The following SLC66A2 variants were observed in gnomAD, a reference collection of about 807,000 sequenced individuals.
SLC66A2 encodes PQ loop repeat containing 1.
Under a neutral mutation model 25.5 loss-of-function variants are expected in SLC66A2, and 23 were observed. The ratio of observed to expected loss-of-function variants is 0.90; its 90% confidence interval spans 0.65 to 1.28. The LOEUF is 1.28. SLC66A2 is among the 50% of genes most tolerant of loss of function. SLC66A2 has a pLI of 0.00. For missense variants in SLC66A2, 396 were observed against 373.1 expected (o/e 1.06, Z -0.51); for synonymous variants, 193 against 166.5 (o/e 1.16, Z -1.23).
rs553521124 is a variant in SLC66A2, at chr18:79,917,708, C to T, written c.608+1476G>A. Among the ~76,000 whole-genome samples, 29 of 152,148 alleles carry T rather than the reference C, an allele frequency of 1.9e-4. No individual in the cohort carries two copies. The highest frequency in any genetic ancestry group is 2.8e-4 in the Non-Finnish European group (19 of 67,962). On this transcript the variant is annotated intron_variant, in intron 5 of 5. Transcript: ENST00000397778. This position sits in a 1 kb window ranked among gnomAD's most constrained non-coding sequence, Gnocchi z 6.0. ...ACTGCCCAACCCAACAGTGAGGGAG[C>T]CTGTTCCAGCCATGGACACCCTCTC...
In SLC66A2 at chr18:79,940,720, C is replaced by T. The variant is rs957154080; in HGVS notation, c.337+2609G>A. The stretch of plus-strand genomic sequence containing the variant: ...CATGAGCCCACACCTTTCATCAAGA[C>T]GCCCTGCAGGAACAGGCCTGGCCCA... On this transcript the variant is annotated intron_variant, in intron 3 of 5. Coordinates refer to ENST00000397778, the MANE Select transcript of SLC66A2 (RefSeq NM_025078.5). This position sits in a 1 kb window ranked among gnomAD's most constrained non-coding sequence, Gnocchi z 4.1. Among the ~76,000 whole-genome samples the T allele has an allele frequency of 4.6e-5, 7 of 152,166 alleles. No homozygotes were observed. Among genetic ancestry groups the T allele is most frequent in the African/African-American group, 1.4e-4 (6 of 41,428 alleles).
chr18:79,950,854 T>TGGCCGC lies in SLC66A2; in HGVS notation c.67_72dup (p.Ala23_Ala24dup). The TGGCCGC allele has an allele frequency of 6.8e-6, 11 of 1,610,434 alleles. No homozygotes were observed. Among genetic ancestry groups the TGGCCGC allele is most frequent in the Non-Finnish European group, 9.3e-6 (11 of 1,178,980 alleles). ...TAGGGCACCACCCCTCCGAAGACCA[T>TGGCCGC]GGCCGCGGCCGCGCCCCAGGACACC... is the stretch of plus-strand genomic sequence containing the variant. On this transcript the variant is annotated inframe_insertion, in exon 2 of 6. Coordinates refer to ENST00000397778, the MANE Select transcript of SLC66A2 (RefSeq NM_025078.5).
chr18:79,919,392 G>T lies in SLC66A2; in HGVS notation c.400C>A (p.Pro134Thr), dbSNP rs575102840. 14 of 1,613,070 alleles carry T rather than the reference G, an allele frequency of 8.7e-6. No homozygotes were observed. The African/African-American group carries it at 1.2e-4, about 14-fold the overall frequency. Reference protein sequence around the residue: ...APRRSFLDFDPHHFWQWSSFS... With the variant: ...APRRSFLDFDTHHFWQWSSFS... ...CTGCTCCACTGCCAGAAGTGGTGGG[G>T]GTCGAAGTCTAGGGCGAGAGGGAGA... is the stretch of plus-strand genomic sequence containing the variant. Residue 134 changes from proline (P) to threonine (T), a missense_variant, in exon 5 of 6, where the codon CCC becomes ACC. Physicochemically the swap from Pro to Thr is conservative, Grantham distance 38. Transcript: ENST00000397778.
chr18:79,947,502 C>T (rs567610767), intron 2 of SLC66A2, among the ~76,000 whole-genome samples: 1 of 152,382 alleles, frequency 6.6e-6, no homozygotes, highest in South Asian at 2.1e-4. Context: ...CATGCCCCAA[C>T]AGCTTTGGAG....
At chr18:79,943,285 G>T (rs377562226) in intron 3 of SLC66A2, 44 bp downstream of exon 3, 1 of 1,600,060 alleles carries the variant, frequency 6.2e-7, no homozygotes, top group Non-Finnish European at 8.5e-7. Context: ...AGTCACCTAC[G>T]CCCTGATTCC....
chr18:79,912,933 AG>A (rs35875409), intron 5 of SLC66A2, among the ~76,000 whole-genome samples: 11 of 152,242 alleles, frequency 7.2e-5, no homozygotes, highest in East Asian at 1.9e-4. Flanking sequence ...ACAGTGGGTG[AG>A]GGGGGGTTCT....
rs1339546518 is a variant in SLC66A2, at chr18:79,918,912, A to G, written c.608+272T>C. 6.6e-6 allele frequency among the ~76,000 whole-genome samples: 1 copy of G among 152,042 alleles called. No individual in the cohort carries two copies. The highest frequency in any genetic ancestry group is 1.5e-5 in the Non-Finnish European group (1 of 67,994). Reference sequence around the variant, plus strand: ...GGCCAGGCACTCGGACATCCCTCCCACTGGAAGGTTCCGTCTCAACGGCCC... The same window carrying G: ...GGCCAGGCACTCGGACATCCCTCCCGCTGGAAGGTTCCGTCTCAACGGCCC... On this transcript the variant is annotated intron_variant, in intron 5 of 5. Coordinates refer to ENST00000397778, the MANE Select transcript of SLC66A2 (RefSeq NM_025078.5). The surrounding 1 kb of genome is among the most constrained non-coding windows in gnomAD (Gnocchi z 4.0).
rs560523792 is a variant in SLC66A2, at chr18:79,941,265, C to G, written c.337+2064G>C. Among the ~76,000 whole-genome samples, 8 of 152,312 alleles carry G rather than the reference C, an allele frequency of 5.3e-5. No individual in the cohort carries two copies. The highest frequency in any genetic ancestry group is 8.8e-5 in the Non-Finnish European group (6 of 68,028). On this transcript the variant is annotated intron_variant, in intron 3 of 5. Transcript: ENST00000397778. The surrounding 1 kb of genome is among the most constrained non-coding windows in gnomAD (Gnocchi z 4.1). ...GACCCATGGCAGAGAGCCAGGCCCT[C>G]AGCTCCAGCACCTGACCATCTCCTC...
chr18:79,925,476 G>A (rs188080000), intron 4 of SLC66A2, among the ~76,000 whole-genome samples: 105 of 152,332 alleles, frequency 6.9e-4, no homozygotes, highest in Admixed American at 3.5e-3. Context: ...AATGCTAAAC[G>A]AATGTTTCCA....
intron 2 of SLC66A2, among the ~76,000 whole-genome samples, chr18:79,948,169 G>A (rs781315692): frequency 1.4e-4 from 22 of 152,200 alleles, no homozygotes; most frequent in Non-Finnish European, 2.6e-4. Context: ...CTGGAAGGCT[G>A]CCCTGTGCTC....
At chr18:79,923,383 T>C (rs1372435125) in intron 4 of SLC66A2, among the ~76,000 whole-genome samples, 2 of 151,950 alleles carry the variant, frequency 1.3e-5, no homozygotes, top group Non-Finnish European at 2.9e-5. Context: ...ATGGGCAGGC[T>C]GTGCACGGTG....
chr18:79,919,048 A>G (rs1984643347), intron 5 of SLC66A2, 136 bp downstream of exon 5: 4 of 808,154 alleles, frequency 4.9e-6, no homozygotes, highest in Admixed American at 4.6e-5. Flanking sequence ...TAAACCTGCT[A>G]TTCTTTAACC....
At chr18:79,905,492 G>A (rs781120431) in intron 5 of SLC66A2, among the ~76,000 whole-genome samples, 68 of 152,352 alleles carry the variant, frequency 4.5e-4, no homozygotes, top group African/African-American at 1.5e-3. Context: ...AGGCAGGGCT[G>A]CACAGCTGAC....
intron 5 of SLC66A2, among the ~76,000 whole-genome samples, chr18:79,912,657 C>T (rs1163807026): frequency 6.6e-6 from 1 of 152,020 alleles, no homozygotes; most frequent in Non-Finnish European, 1.5e-5. Flanking sequence ...TGCCAGTGGC[C>T]GCGGGGTTGC....
intron 5 of SLC66A2, among the ~76,000 whole-genome samples, chr18:79,916,819 A>T (rs954856141): frequency 6.6e-6 from 1 of 152,222 alleles, no homozygotes; most frequent in African/African-American, 2.4e-5. Context: ...TGTTTCCCAG[A>T]GCTCTGTGAG....
chr18:79,943,717 C>A, intron 2 of SLC66A2: 1 of 423,522 alleles, frequency 2.4e-6, no homozygotes, highest in South Asian at 3.3e-5. Context: ...AAACCTGCAG[C>A]AGGAAAGATC....
At position 79,951,006 on chromosome 18, in the gene SLC66A2, C is replaced by G. The variant is rs1216118144; in HGVS notation, c.-80G>C. ...GCCGCCTGCTCATCGCCGCTCCGCGCGCTCCTGCGGCCTCGGGGCCTGCGG... is the reference window on the plus strand; with the variant it reads ...GCCGCCTGCTCATCGCCGCTCCGCGGGCTCCTGCGGCCTCGGGGCCTGCGG... On this transcript the variant is annotated 5_prime_UTR_variant, in exon 2 of 6. Transcript: ENST00000397778. The G allele has an allele frequency of 2.9e-5, 34 of 1,164,668 alleles. No individual in the cohort carries two copies. Among genetic ancestry groups the G allele is most frequent in the Non-Finnish European group, 3.8e-5 (34 of 885,414 alleles). The allele number at this position is 1,164,668 out of a possible 1,614,324, so 72.1% of individuals were successfully genotyped here. A position where few individuals can be genotyped will look rare whatever the true frequency, so the allele number is the denominator to read the frequency against.
rs564044470 is a variant in SLC66A2 at position 79,951,612 on chromosome 18, C to G, written c.-131G>C. On this transcript the variant is annotated 5_prime_UTR_variant, in exon 1 of 6. Coordinates refer to ENST00000397778, the MANE Select transcript of SLC66A2 (RefSeq NM_025078.5). ...CCCCAGCCCCGCGCCCAGCGCCCCG[C>G]GTCCCCGCGCCGCTGACCCGCGCGC... 3.3e-5 allele frequency: 5 copies of G among 151,690 alleles called. No individual in the cohort carries two copies. Among genetic ancestry groups the G allele is most frequent in the African/African-American group, 1.2e-4 (5 of 41,414 alleles). The allele number at this position is 151,690 out of a possible 1,614,324, so 9.4% of individuals were successfully genotyped here. A position where few individuals can be genotyped will look rare whatever the true frequency, so the allele number is the denominator to read the frequency against.
In SLC66A2 at chr18:79,950,806, G is replaced by C. The variant is rs746325682; in HGVS notation, c.121C>G (p.Arg41Gly). The C allele has an allele frequency of 7.4e-6, 12 of 1,613,094 alleles. No homozygotes were observed. Among genetic ancestry groups the C allele is most frequent in the Non-Finnish European group, 1.0e-5 (12 of 1,179,972 alleles). Residue 41 changes from arginine (R) to glycine (G), a missense_variant, in exon 2 of 6, where the codon CGC becomes GGC. By Grantham distance (125) the Arg-to-Gly change is moderately radical (BLOSUM62 -2). Transcript: ENST00000397778. ...AAGCCGTCGGCGTTCTGCGTCCTGC[G>C]AATGTCCCGATACTGCGGGACGTAG... ...VPYVPQYRDIRRTQNADGFST... is the reference protein window; with the variant it reads ...VPYVPQYRDIGRTQNADGFST...
Sources: gnomAD v4.1 joint callset for allele counts (sites outside exome capture counted in the v4.1 genomes callset) on GRCh38, gnomAD v4.1.1 for gene constraint, Gnocchi (gnomAD v3.1) non-coding constraint, MANE v1.5 for transcripts, NCBI Gene and HGNC (gene_info 2026-07-23, HGNC 2026-07-21) for gene names.